The following CACNG3 variants were observed in gnomAD, a reference collection of about 807,000 sequenced individuals.
The protein encoded by CACNG3 is calcium voltage-gated channel auxiliary subunit gamma 3.
In CACNG3, 3 loss-of-function variants were observed where a neutral mutation model predicts 28.5. The ratio of observed to expected loss-of-function variants is 0.11; its 90% CI spans 0.05 to 0.27. CACNG3 has a LOEUF of 0.27. Among genes scored for constraint, CACNG3 ranks in the 10% least tolerant of loss-of-function variants. The pLI is 1.00. For missense variants in CACNG3, 236 were observed against 414.4 expected (o/e 0.57, Z 3.74); for synonymous variants, 174 against 162.2 (o/e 1.07, Z -0.55).
intron 1 of CACNG3, among the ~76,000 whole-genome samples, chr16:24,268,099 A>G (rs1007528574): frequency 6.6e-6 from 1 of 152,202 alleles, no homozygotes; most frequent in African/African-American, 2.4e-5. Context: ...AGAGATAGAT[A>G]CTACTATTAC....
intron 1 of CACNG3, among the ~76,000 whole-genome samples, chr16:24,294,051 C>G (rs996920690): frequency 4.6e-5 from 7 of 152,220 alleles, no homozygotes; most frequent in African/African-American, 1.7e-4. Flanking sequence ...CTCACCTTAT[C>G]TCCCTTCTGA....
At chr16:24,273,973 T>TAC (rs1898720879) in intron 1 of CACNG3, among the ~76,000 whole-genome samples, 1 of 152,070 alleles carries the variant, frequency 6.6e-6, no homozygotes, top group African/African-American at 2.4e-5. Flanking sequence ...GTATAGCAGT[T>TAC]AAGAACTCAA....
chr16:24,336,343 C>T (rs1430287085), intron 1 of CACNG3, among the ~76,000 whole-genome samples: 1 of 150,984 alleles, frequency 6.6e-6, no homozygotes, highest in Non-Finnish European at 1.5e-5. Context: ...GTGATCTCAG[C>T]TCACTGCAAG....
intron 2 of CACNG3, among the ~76,000 whole-genome samples, chr16:24,352,219 C>T (rs1294567908): frequency 6.6e-6 from 1 of 152,062 alleles, no homozygotes; most frequent in Admixed American, 6.6e-5. Context: ...GGCAGAAAAA[C>T]ACCTAGTGAA....
At chr16:24,298,089 G>A (rs964522558) in intron 1 of CACNG3, among the ~76,000 whole-genome samples, 11 of 151,308 alleles carry the variant, frequency 7.3e-5, no homozygotes, top group Middle Eastern at 3.2e-3. Context: ...ATTAAAATTC[G>A]TTTGAAAGGT....
At position 24,334,207 on chromosome 16, in the gene CACNG3, C is replaced by T. The variant is rs184138061; in HGVS notation, c.212-12527C>T. On this transcript the variant is annotated intron_variant, in intron 1 of 3. Coordinates refer to ENST00000005284, the MANE Select transcript of CACNG3 (RefSeq NM_006539.4). ...CTGGACCCTAGGTTCCTGTTGGCCT[C>T]TGTTTTGAGCTCTAAGCTGGGCTTT... 3.3e-5 allele frequency among the ~76,000 whole-genome samples: 5 copies of T among 152,268 alleles called. No individual in the cohort carries two copies. In the East Asian group the frequency reaches 9.7e-4, roughly 29 times the overall value.
At position 24,312,959 on chromosome 16, in the gene CACNG3, A is replaced by AAGAAAGAAAGAAAGAAAGAAAGAG. The variant is rs1297026328; in HGVS notation, c.212-33766_212-33765insGAAAGAAAGAAAGAGAGAAAGAAA. Among the ~76,000 whole-genome samples the AAGAAAGAAAGAAAGAAAGAAAGAG allele has an allele frequency of 7.2e-4, 100 of 139,708 alleles. 1 individual carries two copies. Among genetic ancestry groups the AAGAAAGAAAGAAAGAAAGAAAGAG allele is most frequent in the African/African-American group, 1.5e-3 (55 of 37,410 alleles). The allele number at this position is 139,708 out of a possible 152,430, so 91.7% of individuals were successfully genotyped here. On this transcript the variant is annotated intron_variant, in intron 1 of 3. Transcript: ENST00000005284. ...AGAAAGAAAGAAAGAAAGAAAGAGA[A>AAGAAAGAAAGAAAGAAAGAAAGAG]AGAAAGAAAAGAAAGAAAGAAATAA...
chr16:24,321,589 T>G (rs1219938188), intron 1 of CACNG3, among the ~76,000 whole-genome samples: 1 of 152,246 alleles, frequency 6.6e-6, no homozygotes, highest in Admixed American at 6.5e-5. Flanking sequence ...AGAGTAGTTA[T>G]GCTTGCCATT....
chr16:24,270,551 T>G (rs1036608467), intron 1 of CACNG3, among the ~76,000 whole-genome samples: 1 of 152,164 alleles, frequency 6.6e-6, no homozygotes, highest in Admixed American at 6.5e-5. Context: ...TTTTCACTCT[T>G]TGGTGAGTGA....
intron 1 of CACNG3, among the ~76,000 whole-genome samples, chr16:24,281,134 G>A (rs138773424): frequency 0.016 from 2,406 of 152,226 alleles, 24 homozygotes; most frequent in South Asian, 0.027. Context: ...TAATGGATGG[G>A]ATACTCAGGG....
chr16:24,300,282 G>C (rs1360654331), intron 1 of CACNG3, among the ~76,000 whole-genome samples: 1 of 152,156 alleles, frequency 6.6e-6, no homozygotes, highest in Non-Finnish European at 1.5e-5. Context: ...GGGGGAGACA[G>C]TGGGCTCTCG....
intron 1 of CACNG3, among the ~76,000 whole-genome samples, chr16:24,308,478 C>T (rs559672713): frequency 6.6e-6 from 1 of 152,292 alleles, no homozygotes; most frequent in South Asian, 2.1e-4. Context: ...GCAAGCCGTC[C>T]TTGCAGCTGG....
rs139161946 is a variant in CACNG3, at chr16:24,323,240, AGAG to A, written c.212-23493_212-23491del. 3.6e-3 allele frequency among the ~76,000 whole-genome samples: 460 copies of A among 129,178 alleles called. 4 individuals are homozygous for A. The highest frequency in any genetic ancestry group is 7.3e-3 in the African/African-American group (258 of 35,182). The allele number at this position is 129,178 out of a possible 152,430, so 84.7% of individuals were successfully genotyped here. A position where few individuals can be genotyped will look rare whatever the true frequency, so the allele number is the denominator to read the frequency against. ...GACTCAAAAAAAAAAAAAAAAAAAAAGAGAGAGAGAGAAAGAGAGAGATGAGGC... is the reference window on the plus strand; with the variant it reads ...GACTCAAAAAAAAAAAAAAAAAAAAAAGAGAGAGAAAGAGAGAGATGAGGC... On this transcript the variant is annotated intron_variant, in intron 1 of 3. Transcript: ENST00000005284.
chr16:24,257,455 G>A (rs1898481206), intron 1 of CACNG3, among the ~76,000 whole-genome samples: 1 of 141,862 alleles, frequency 7.0e-6, no homozygotes, highest in African/African-American at 2.7e-5. Context: ...CACATTCTGA[G>A]CTATTTCATT....
At chr16:24,293,364 T>G (rs1898990227) in intron 1 of CACNG3, among the ~76,000 whole-genome samples, 1 of 152,094 alleles carries the variant, frequency 6.6e-6, no homozygotes, top group African/African-American at 2.4e-5. Flanking sequence ...TCTGGTTCTC[T>G]TTAGCCTTGC....
intron 1 of CACNG3, among the ~76,000 whole-genome samples, chr16:24,318,943 A>C (rs1899422046): frequency 6.6e-6 from 1 of 152,274 alleles, no homozygotes. Context: ...ATAAGATCTC[A>C]CCACATGGTG....
At position 24,361,325 on chromosome 16, in the gene CACNG3, C is replaced by T. The variant is rs1336222403; in HGVS notation, c.437-27C>T. ...AGTTCTCTCCGAGGTGTATAAAGGACGTGTTTTTCTTTTCCCCTTCTCTTA... is the reference window on the plus strand; with the variant it reads ...AGTTCTCTCCGAGGTGTATAAAGGATGTGTTTTTCTTTTCCCCTTCTCTTA... On this transcript the variant is annotated intron_variant, in intron 3 of 3. Coordinates refer to ENST00000005284, the MANE Select transcript of CACNG3 (RefSeq NM_006539.4). This position sits in a 1 kb window ranked among gnomAD's most constrained non-coding sequence, Gnocchi z 6.8. 2.8e-5 allele frequency: 42 copies of T among 1,526,360 alleles called. No homozygotes were observed. In the Admixed American group the frequency reaches 4.6e-4, roughly 17 times the overall value. The allele number at this position is 1,526,360 out of a possible 1,614,324, so 94.6% of individuals were successfully genotyped here. A position where few individuals can be genotyped will look rare whatever the true frequency, so the allele number is the denominator to read the frequency against.
intron 1 of CACNG3, among the ~76,000 whole-genome samples, chr16:24,290,231 T>C (rs1898949070): frequency 6.6e-6 from 1 of 152,208 alleles, no homozygotes; most frequent in South Asian, 2.1e-4. Context: ...TTGGAGAGAG[T>C]GTCTAGTTAT....
intron 1 of CACNG3, among the ~76,000 whole-genome samples, chr16:24,316,490 G>T (rs1006910870): frequency 1.3e-5 from 2 of 152,156 alleles, no homozygotes; most frequent in Non-Finnish European, 2.9e-5. Context: ...AAGCTCCTGC[G>T]GGAAGGACAT....
Sources: gnomAD v4.1 joint callset for allele counts (sites outside exome capture counted in the v4.1 genomes callset) on GRCh38, gnomAD v4.1.1 for gene constraint, Gnocchi (gnomAD v3.1) non-coding constraint, MANE v1.5 for transcripts, NCBI Gene and HGNC (gene_info 2026-07-23, HGNC 2026-07-21) for gene names.